The following RAB25 variants were observed in gnomAD, a reference collection of about 807,000 sequenced individuals.
RAB25 encodes the protein RAB25, member RAS oncogene family.
In RAB25, 23 loss-of-function variants were observed where a neutral mutation model predicts 25.2. The observed-to-expected ratio is 0.91, with a 90% CI of 0.66 to 1.29. RAB25 has a LOEUF of 1.29. Ranked by LOEUF, RAB25 falls within the 50% of genes most tolerant of loss-of-function variation. The pLI, the probability that RAB25 is intolerant of heterozygous loss-of-function variation, is 0.00. For missense variants in RAB25, 244 were observed against 277.3 expected (o/e 0.88, Z 0.85); for synonymous variants, 102 against 111.5 (o/e 0.91, Z 0.54).
rs1377463744 is a variant in RAB25 at position 156,069,570 on chromosome 1, CAA to C, written c.434-100_434-99del. Reference sequence around the variant, plus strand: ...AAGGATTAAATGATCTGCTACATGCCAAGAGTTTAGCACATGGCAAATGTATA... The same window carrying C: ...AAGGATTAAATGATCTGCTACATGCCGAGTTTAGCACATGGCAAATGTATA... On this transcript the variant is annotated intron_variant, in intron 3 of 4. Transcript: ENST00000361084. 9 of 940,938 alleles carry C rather than the reference CAA, an allele frequency of 9.6e-6. No homozygotes were observed. In the East Asian group the frequency reaches 2.2e-4, roughly 23 times the overall value. 58.3% of individuals were successfully genotyped at this position (940,938 alleles called of 1,614,324 possible). A position where few individuals can be genotyped will look rare whatever the true frequency, so the allele number is the denominator to read the frequency against.
intron 2 of RAB25, among the ~76,000 whole-genome samples, chr1:156,067,165 G>A (rs913740440): frequency 6.6e-6 from 1 of 151,410 alleles, no homozygotes; most frequent in Non-Finnish European, 1.5e-5. Flanking sequence ...CCTGGGAGGT[G>A]GAGGTTGCAG....
In RAB25 at chr1:156,065,976, T is replaced by G. The variant is rs773998182; in HGVS notation, c.109T>G (p.Phe37Val). Residue 37 changes from phenylalanine to valine, a missense_variant, in exon 2 of 5, where the codon TTC becomes GTC. Coordinates refer to ENST00000361084, the MANE Select transcript of RAB25 (RefSeq NM_020387.4). ...NLLSRFTRNE[F>V]SHDSRTTIGV... ...ACTCTCCCGATTCACGCGCAATGAG[T>G]TCAGCCACGACAGCCGCACCACCAT... 1 of 1,613,848 alleles carries G rather than the reference T, an allele frequency of 6.2e-7. No homozygotes were observed. The highest frequency in any genetic ancestry group is 8.5e-7 in the Non-Finnish European group (1 of 1,179,856).
At position 156,068,477 on chromosome 1, in the gene RAB25, A is replaced by G. The variant is rs1203605079; in HGVS notation, c.433+14A>G. 1 of 1,608,134 alleles carries G rather than the reference A, an allele frequency of 6.2e-7. No homozygotes were observed. Among genetic ancestry groups the G allele is most frequent in the Admixed American group, 1.7e-5 (1 of 59,946 alleles). ...GAATGTTCGCTGGTGAGAGCCTGCCACTACCCAGGCTGACTCCTCCAAGCT... is the reference window on the plus strand; with the variant it reads ...GAATGTTCGCTGGTGAGAGCCTGCCGCTACCCAGGCTGACTCCTCCAAGCT... On this transcript the variant is annotated intron_variant, in intron 3 of 4. Transcript: ENST00000361084.
chr1:156,062,396 G>C (rs1301805064), intron 1 of RAB25, among the ~76,000 whole-genome samples: 1 of 152,062 alleles, frequency 6.6e-6, no homozygotes, highest in African/African-American at 2.4e-5. Context: ...TGGTGCCTTT[G>C]CTGTTTTCCA....
At chr1:156,067,759 G>T (rs1393370322) in intron 2 of RAB25, among the ~76,000 whole-genome samples, 1 of 152,068 alleles carries the variant, frequency 6.6e-6, no homozygotes, top group Non-Finnish European at 1.5e-5. Flanking sequence ...TATTTATTTA[G>T]TTAGTTAGTT....
chr1:156,070,503 A>C lies in RAB25; in HGVS notation c.*216A>C. ...CCCTCAAATAAAGCTGTTTTATATC[A>C]ATGCCTGGTCATTCCACTGCCTCCC... On this transcript the variant is annotated 3_prime_UTR_variant, in exon 5 of 5. Coordinates refer to ENST00000361084, the MANE Select transcript of RAB25 (RefSeq NM_020387.4). 1.7e-6 allele frequency: 1 copy of C among 596,274 alleles called. No homozygotes were observed. The highest frequency in any genetic ancestry group is 2.9e-6 in the Non-Finnish European group (1 of 349,852). 36.9% of individuals were successfully genotyped at this position (596,274 alleles called of 1,614,324 possible).
intron 1 of RAB25, among the ~76,000 whole-genome samples, chr1:156,062,925 G>T (rs1370061447): frequency 6.6e-6 from 1 of 151,738 alleles, no homozygotes; most frequent in Non-Finnish European, 1.5e-5. Context: ...GTGGTGGCAC[G>T]TGCCTGTAAT....
chr1:156,066,799 G>A (rs1647759507), intron 2 of RAB25, among the ~76,000 whole-genome samples: 1 of 151,904 alleles, frequency 6.6e-6, no homozygotes, highest in South Asian at 2.1e-4. Context: ...AATTGGCCGG[G>A]CTTGGTGGTG....
chr1:156,068,433 G>C lies in RAB25; in HGVS notation c.403G>C (p.Val135Leu). Residue 135 changes from valine to leucine, a missense_variant, in exon 3 of 5, where the codon GTG becomes CTG. Transcript: ENST00000361084. ...AAGTGACCTCAGCCAGGCCCGGGAAGTGCCCACTGAGGAGGCCCGAATGTT... is the reference window on the plus strand; with the variant it reads ...AAGTGACCTCAGCCAGGCCCGGGAACTGCCCACTGAGGAGGCCCGAATGTT... Reference protein sequence around the residue: ...NKSDLSQAREVPTEEARMFAE... With the variant: ...NKSDLSQARELPTEEARMFAE... 1 of 1,613,828 alleles carries C rather than the reference G, an allele frequency of 6.2e-7. No individual in the cohort carries two copies. Among genetic ancestry groups the C allele is most frequent in the Non-Finnish European group, 8.5e-7 (1 of 1,179,988 alleles).
intron 1 of RAB25, among the ~76,000 whole-genome samples, chr1:156,062,022 C>T (rs928098136): frequency 2.0e-4 from 30 of 152,080 alleles, no homozygotes; most frequent in African/African-American, 6.0e-4. Context: ...CCTCATGATC[C>T]GCCTACCTCG....
chr1:156,067,279 G>A (rs1437661510), intron 2 of RAB25, among the ~76,000 whole-genome samples: 1 of 152,018 alleles, frequency 6.6e-6, no homozygotes, highest in Non-Finnish European at 1.5e-5. Flanking sequence ...TCAGTGTGAG[G>A]CCTAAGCATG....
chr1:156,062,546 C>T lies in RAB25; in HGVS notation c.43+1103C>T, dbSNP rs562411411. On this transcript the variant is annotated intron_variant, in intron 1 of 4. Transcript: ENST00000361084. Reference sequence around the variant, plus strand: ...CCGCCCTTGAGCTGGGGAACCTGTACTACTGGCATCTTTTCCAGGAAGGAA... The same window carrying T: ...CCGCCCTTGAGCTGGGGAACCTGTATTACTGGCATCTTTTCCAGGAAGGAA... 8.4e-4 allele frequency among the ~76,000 whole-genome samples: 128 copies of T among 152,172 alleles called. 1 individual carries two copies. The highest frequency in any genetic ancestry group is 1.5e-3 in the Non-Finnish European group (103 of 68,034).
At position 156,068,429 on chromosome 1, in the gene RAB25, G is replaced by T. The variant is rs770171573; in HGVS notation, c.399G>T (p.Arg133=). Residue 133 remains arginine, a synonymous_variant, in exon 3 of 5, where the codon CGG becomes CGT. Coordinates refer to ENST00000361084, the MANE Select transcript of RAB25 (RefSeq NM_020387.4). The part of the protein sequence containing the change: ...VGNKSDLSQA[R]EVPTEEARMF... ...ACAAAAGTGACCTCAGCCAGGCCCG[G>T]GAAGTGCCCACTGAGGAGGCCCGAA... 3.7e-6 allele frequency: 6 copies of T among 1,613,750 alleles called. No individual in the cohort carries two copies. The highest frequency in any genetic ancestry group is 5.1e-6 in the Non-Finnish European group (6 of 1,179,992).
In RAB25 at chr1:156,070,376, A is replaced by C; in HGVS notation, c.*89A>C. 1 of 1,527,536 alleles carries C rather than the reference A, an allele frequency of 6.5e-7. No homozygotes were observed. The allele number at this position is 1,527,536 out of a possible 1,614,324, so 94.6% of individuals were successfully genotyped here. A position where few individuals can be genotyped will look rare whatever the true frequency, so the allele number is the denominator to read the frequency against. ...GGACCTTTCCTTGCCCTTTGGTTCC[A>C]GATATCAGACTGTTCCCTGTTCACA... On this transcript the variant is annotated 3_prime_UTR_variant, in exon 5 of 5. Transcript: ENST00000361084.
intron 4 of RAB25, 182 bp from the exon 5 acceptor site, chr1:156,069,978 C>T (rs1647859745): frequency 1.0e-6 from 1 of 1,002,968 alleles, no homozygotes; most frequent in African/African-American, 1.6e-5. Context: ...TTGGTTCCTT[C>T]TCCACCCAAG....
At chr1:156,066,829 A>G (rs553418959) in intron 2 of RAB25, among the ~76,000 whole-genome samples, 1 of 152,182 alleles carries the variant, frequency 6.6e-6, no homozygotes, top group South Asian at 2.1e-4. Flanking sequence ...AGTCCCAGAT[A>G]CTTGAGAAGC....
In RAB25 at chr1:156,068,322, C is replaced by G; in HGVS notation, c.292C>G (p.Gln98Glu). ...CCTGGTGTTTGACCTAACCAAGCAC[C>G]AGACCTATGCTGTGGTGGAGCGATG... ...ALLVFDLTKHQTYAVVERWLK... is the reference protein window; with the variant it reads ...ALLVFDLTKHETYAVVERWLK... Residue 98 changes from glutamine to glutamate, a missense_variant, in exon 3 of 5, where the codon CAG becomes GAG. Transcript: ENST00000361084. 6.2e-7 allele frequency: 1 copy of G among 1,614,094 alleles called. No homozygotes were observed.
intron 1 of RAB25, 151 bp downstream of exon 1, chr1:156,061,594 G>C (rs1647582721): frequency 1.3e-5 from 11 of 817,048 alleles, no homozygotes; most frequent in Middle Eastern, 3.7e-4. Context: ...AGGGAGTGGG[G>C]GAGGGTCTGG....
intron 4 of RAB25, 179 bp from the exon 5 acceptor site, chr1:156,069,981 C>T: frequency 9.8e-7 from 1 of 1,018,466 alleles, no homozygotes; most frequent in Non-Finnish European, 1.5e-6. Flanking sequence ...GTTCCTTCTC[C>T]ACCCAAGTAA....
Sources: gnomAD v4.1 joint callset for allele counts (sites outside exome capture counted in the v4.1 genomes callset) on GRCh38, gnomAD v4.1.1 for gene constraint, MANE v1.5 for transcripts, NCBI Gene and HGNC (gene_info 2026-07-23, HGNC 2026-07-21) for gene names.